Variants in AIM2 observed in about 807,000 individuals in gnomAD.
AIM2 encodes absent in melanoma 2, also known as interferon-inducible protein AIM2.
Under a neutral mutation model 27.7 loss-of-function variants are expected in AIM2, and 30 were observed. The ratio of observed to expected loss-of-function variants is 1.08; its 90% CI spans 0.81 to 1.47. The LOEUF (loss-of-function observed/expected upper bound fraction) is 1.47. Ranked by LOEUF, AIM2 falls within the 40% of genes most tolerant of loss-of-function variation. The pLI is 0.00. For synonymous variants in AIM2, 141 were observed against 145.3 expected (o/e 0.97, Z 0.21); for missense variants, 358 against 411.3 (o/e 0.87, Z 1.12).
chr1:159,129,230 G>C (rs1355379318), intron 1 of AIM2, among the ~76,000 whole-genome samples: 1 of 152,208 alleles, frequency 6.6e-6, no homozygotes, highest in Non-Finnish European at 1.5e-5. Flanking sequence ...TAAGAAGCTT[G>C]TTCAGAGGAG....
chr1:159,114,885 G>T (rs539597261), intron 1 of AIM2, among the ~76,000 whole-genome samples: 1 of 152,184 alleles, frequency 6.6e-6, no homozygotes, highest in Non-Finnish European at 1.5e-5. Context: ...AAAAGAGGAC[G>T]TCAAATTGTC....
chr1:159,068,174 G>A (rs895793810), intron 3 of AIM2, among the ~76,000 whole-genome samples: 1 of 152,122 alleles, frequency 6.6e-6, no homozygotes, highest in Admixed American at 6.5e-5. Flanking sequence ...CGAGCTCCCT[G>A]TAGGGTAGGC....
rs1238896193 is a variant in AIM2 at position 159,088,915 on chromosome 1, C to T, written c.-15-22586G>A. Among the ~76,000 whole-genome samples the T allele has an allele frequency of 2.0e-5, 3 of 152,196 alleles. No individual in the cohort carries two copies. The East Asian group carries it at 5.8e-4, about 29-fold the overall frequency. ...ATACATTTTGTTTCTTTATAAATTACCCAGTTTCAGGTATTCTGTTATAAG... is the reference window on the plus strand; with the variant it reads ...ATACATTTTGTTTCTTTATAAATTATCCAGTTTCAGGTATTCTGTTATAAG... On this transcript the variant is annotated intron_variant, in intron 1 of 2. Transcript: ENST00000368129.
At chr1:159,143,581 T>TACACAC (rs6143439), upstream of AIM2, among the ~76,000 whole-genome samples, 1,923 of 144,126 alleles carry the variant, frequency 0.013, 24 homozygotes, top group Non-Finnish European at 0.019. Context: ...GCTCAGTGTG[T>TACACAC]ACACACACAC....
rs759649002 is a variant in AIM2 at position 159,063,505 on chromosome 1, C to A, written c.986G>T (p.Gly329Val). The change falls in exon 5 of 6, where the codon GGA (glycine) becomes GTA (valine). Residue 329 changes from glycine (G) to valine (V), a missense_variant. Coordinates refer to ENST00000368130, the MANE Select transcript of AIM2 (RefSeq NM_004833.3). ...TCCCACCTTTATGGTGCTATGAACT[C>A]CAGATGTCAGCTGTAGTTTTTCTCC... ...KNGEKLQLTSGVHSTIKVIKA... is the reference protein window; with the variant it reads ...KNGEKLQLTSVVHSTIKVIKA... 6 of 1,613,756 alleles carry A rather than the reference C, an allele frequency of 3.7e-6. No homozygotes were observed. The highest frequency in any genetic ancestry group is 4.2e-6 in the Non-Finnish European group (5 of 1,179,880).
intron 1 of AIM2, among the ~76,000 whole-genome samples, chr1:159,118,751 A>T (rs76131232): frequency 0.13 from 19,243 of 152,036 alleles, 1,504 homozygotes; most frequent in Non-Finnish European, 0.17. Context: ...TTCCTTCTAC[A>T]CTTATTTGCT....
At chr1:159,081,496 C>T, upstream of AIM2, 1 of 520,588 alleles carries the variant, frequency 1.9e-6, no homozygotes, top group Non-Finnish European at 3.9e-6. Flanking sequence ...GCCCCTCTGA[C>T]TGCAGAATAA....
chr1:159,145,155 T>A (rs1648179067), upstream of AIM2, among the ~76,000 whole-genome samples: 1 of 152,096 alleles, frequency 6.6e-6, no homozygotes, highest in African/African-American at 2.4e-5. Context: ...CTGGAAAAGG[T>A]GCTTTGCAAT....
At chr1:159,123,831 C>A (rs576819121) in intron 1 of AIM2, among the ~76,000 whole-genome samples, 1 of 152,300 alleles carries the variant, frequency 6.6e-6, no homozygotes, top group Non-Finnish European at 1.5e-5. Flanking sequence ...CTACGACCTG[C>A]CACATATAGT....
At chr1:159,120,719 C>T (rs576440196) in intron 1 of AIM2, among the ~76,000 whole-genome samples, 1 of 152,202 alleles carries the variant, frequency 6.6e-6, no homozygotes, top group East Asian at 1.9e-4. Flanking sequence ...ACAGAAAAGG[C>T]TAGAGCCCAG....
chr1:159,067,812 A>T (rs1438241411), intron 3 of AIM2, among the ~76,000 whole-genome samples: 1 of 152,000 alleles, frequency 6.6e-6, no homozygotes, highest in Non-Finnish European at 1.5e-5. Context: ...TACCTGCTTC[A>T]TAGGAAATGA....
chr1:159,126,418 G>T (rs185585042), intron 1 of AIM2, among the ~76,000 whole-genome samples: 11 of 151,984 alleles, frequency 7.2e-5, no homozygotes, highest in Non-Finnish European at 1.5e-5. Context: ...GAGGCTGAGG[G>T]GGGCGGATCA....
In AIM2 at chr1:159,065,945, C is replaced by A; in HGVS notation, c.781G>T (p.Gly261Ter). The A allele has an allele frequency of 6.2e-7, 1 of 1,613,440 alleles. No individual in the cohort carries two copies. Among genetic ancestry groups the A allele is most frequent in the East Asian group, 2.2e-5 (1 of 44,876 alleles). ...ACAAACAAACCATTCACAATTGTTC[C>A]AAGGGGCTGAGTTTGAAGCGTGTTG... Reference protein sequence around the residue: ...KINTLQTQPLGTIVNGLFVVQ... With the variant: ...KINTLQTQPL Residue 261 changes from glycine to a stop codon, truncating the protein, a stop_gained, in exon 4 of 6, where the codon GGA (glycine) becomes TGA (stop). Coordinates refer to ENST00000368130, the MANE Select transcript of AIM2 (RefSeq NM_004833.3). LOFTEE classifies it high-confidence loss of function.
At chr1:159,100,602 C>CTA (rs1374245554) in intron 1 of AIM2, among the ~76,000 whole-genome samples, 1 of 152,236 alleles carries the variant, frequency 6.6e-6, no homozygotes, top group Admixed American at 6.5e-5. Flanking sequence ...TGGCATTAGT[C>CTA]TCTAGAGTCT....
chr1:159,119,830 C>T, intron 1 of AIM2, among the ~76,000 whole-genome samples: 1 of 151,112 alleles, frequency 6.6e-6, no homozygotes, highest in Non-Finnish European at 1.5e-5. Context: ...GTGCCACTCT[C>T]TGTCTCTGTT....
chr1:159,125,767 G>T (rs1226141688), intron 1 of AIM2, among the ~76,000 whole-genome samples: 12 of 152,196 alleles, frequency 7.9e-5, no homozygotes, highest in Admixed American at 7.9e-4. Flanking sequence ...TAGAGAAAAA[G>T]AGGAGAGAGG....
At chr1:159,106,505 G>A (rs1012232825) in intron 1 of AIM2, among the ~76,000 whole-genome samples, 7 of 152,190 alleles carry the variant, frequency 4.6e-5, no homozygotes, top group Non-Finnish European at 1.0e-4. Flanking sequence ...TGAAATGTGA[G>A]AAAGAAAAAA....
chr1:159,117,316 A>G (rs1647384602), intron 1 of AIM2, among the ~76,000 whole-genome samples: 1 of 152,244 alleles, frequency 6.6e-6, no homozygotes, highest in African/African-American at 2.4e-5. Context: ...TTAGGATTCT[A>G]GAGGCATCAG....
chr1:159,106,839 CTCA>C (rs1266044135), intron 1 of AIM2, among the ~76,000 whole-genome samples: 1 of 152,206 alleles, frequency 6.6e-6, no homozygotes, highest in Admixed American at 6.5e-5. Context: ...GCTCTGTTTC[CTCA>C]TCAACTAAAT....
Sources: gnomAD v4.1 joint callset for allele counts (sites outside exome capture counted in the v4.1 genomes callset) on GRCh38, gnomAD v4.1.1 for gene constraint, MANE v1.5 for transcripts, NCBI Gene and HGNC (gene_info 2026-07-23, HGNC 2026-07-21) for gene names.